MANBA: variants seen among roughly 807,000 people sequenced by gnomAD.
The protein encoded by MANBA is mannosidase beta.
In MANBA, 83 loss-of-function variants were observed where a neutral mutation model predicts 111.1. The observed-to-expected ratio is 0.75, with a 90% CI of 0.63 to 0.90. The LOEUF (loss-of-function observed/expected upper bound fraction) is 0.90, where lower values mean the gene tolerates loss of function less well. Ranked by LOEUF, MANBA falls within the 40% of genes least tolerant of loss-of-function variation. The pLI, the probability that MANBA is intolerant of heterozygous loss-of-function variation, is 0.00. For synonymous variants in MANBA, 370 were observed against 378.7 expected (o/e 0.98, Z 0.27); for missense variants, 1,036 against 1,069.0 (o/e 0.97, Z 0.43).
At chr4:102,676,907 T>C (rs1464447483) in intron 7 of MANBA, among the ~76,000 whole-genome samples, 1 of 140,322 alleles carries the variant, frequency 7.1e-6, no homozygotes, top group Non-Finnish European at 1.6e-5. Context: ...CCTTCATGCA[T>C]TAGCAGCAGG....
intron 11 of MANBA, chr4:102,658,797 A>G (rs761228434): frequency 6.6e-6 from 1 of 152,258 alleles, no homozygotes; most frequent in Non-Finnish European, 1.5e-5. Context: ...CAGCCCTTTC[A>G]TAGTGTCAGT....
rs71934469 is a variant in MANBA at position 102,631,106 on chromosome 4, T to TTGTGTGTGTGTG, written c.*939_*950dup. The TTGTGTGTGTGTG allele has an allele frequency of 5.5e-5, 4 of 73,132 alleles. No homozygotes were observed. The highest frequency in any genetic ancestry group is 3.9e-4 in the South Asian group (1 of 2,574). 4.5% of individuals were successfully genotyped at this position (73,132 alleles called of 1,614,324 possible). ...GTCCCCTTATCCCCTTGATAAGGCT[T>TTGTGTGTGTGTG]TGTGTGTGTGTGTGTGTGTGTGTGT... On this transcript the variant is annotated 3_prime_UTR_variant, in exon 17 of 17. Transcript: ENST00000647097.
chr4:102,734,996 C>T (rs1723159063), intron 1 of MANBA, among the ~76,000 whole-genome samples: 1 of 152,184 alleles, frequency 6.6e-6, no homozygotes, highest in African/African-American at 2.4e-5. Context: ...TGCTGACAAG[C>T]CCACCCTCTC....
At chr4:102,717,424 C>CTTTT (rs1239871326) in intron 4 of MANBA, among the ~76,000 whole-genome samples, 2 of 134,468 alleles carry the variant, frequency 1.5e-5, no homozygotes, top group Admixed American at 7.4e-5. Flanking sequence ...CAGGCAGGAA[C>CTTTT]TTTTTTTTTT....
At chr4:102,722,582 T>TA (rs1011329640) in intron 4 of MANBA, 2 of 380,906 alleles carry the variant, frequency 5.3e-6, no homozygotes, top group Admixed American at 7.8e-5. Context: ...ACTTAAATGT[T>TA]AAAAAAATAA....
chr4:102,741,027 G>A (rs1049235539), intron 1 of MANBA, among the ~76,000 whole-genome samples: 3 of 152,140 alleles, frequency 2.0e-5, no homozygotes, highest in African/African-American at 7.2e-5. Flanking sequence ...CAGAGTGGGA[G>A]AAAATCTTCA....
In MANBA at chr4:102,635,985, C is replaced by G. The variant is rs773738624; in HGVS notation, c.2037G>C (p.Met679Ile). 12 of 1,613,864 alleles carry G rather than the reference C, an allele frequency of 7.4e-6. No homozygotes were observed. In the East Asian group the frequency reaches 1.8e-4, roughly 24 times the overall value. The change falls in exon 15 of 17, where the codon ATG (methionine) becomes ATC (isoleucine). Residue 679 changes from methionine (M) to isoleucine (I), a missense_variant. Physicochemically the swap from Met to Ile is conservative, Grantham distance 10 (BLOSUM62 1). Transcript: ENST00000647097. The stretch of plus-strand genomic sequence containing the variant: ...AGAAATTCTGAGCAAAGTAATGAAG[C>G]ATTTTCCACTTTCCTCCGTACTCTG... ...ASLEYGGKWK[M>I]LHYFAQNFFA...
Position 102,730,826 on chromosome 4 carries a change from A to G in MANBA, c.178-4143T>C, listed in dbSNP as rs1229391892. 7 of 407,466 alleles carry G rather than the reference A, an allele frequency of 1.7e-5. No individual in the cohort carries two copies. The East Asian group carries it at 4.1e-4, about 24-fold the overall frequency. The allele number at this position is 407,466 out of a possible 1,614,324, so 25.2% of individuals were successfully genotyped here. On this transcript the variant is annotated intron_variant, in intron 1 of 16. Coordinates refer to ENST00000647097, the MANE Select transcript of MANBA (RefSeq NM_005908.4). ...TTATACTTTGTCCTCAAACTCAACT[A>G]TCTTGTTCTTCCTTGCGCCTAGTTA...
chr4:102,659,280 C>T (rs938187429), intron 11 of MANBA, among the ~76,000 whole-genome samples: 1 of 152,150 alleles, frequency 6.6e-6, no homozygotes. Flanking sequence ...GAAGGAAAAG[C>T]GCAAGGCTCT....
chr4:102,685,150 C>T (rs1012547821), intron 7 of MANBA, among the ~76,000 whole-genome samples: 38 of 151,984 alleles, frequency 2.5e-4, no homozygotes, highest in African/African-American at 7.0e-4. Flanking sequence ...TGGGGAGGCT[C>T]GCAGAAGGGA....
Position 102,714,480 on chromosome 4 carries a change from T to C in MANBA, c.631A>G (p.Asn211Asp). 1 of 1,605,432 alleles carries C rather than the reference T, an allele frequency of 6.2e-7. No individual in the cohort carries two copies. The highest frequency in any genetic ancestry group is 1.1e-5 in the South Asian group (1 of 90,876). ...GTGAAGTAGTTCAGGTGACAAATAT[T>C]ATAGGCTTCAATTCTAACATCTTTC... ...IWKDVRIEAY[N>D]ICHLNYFTFS... is the part of the protein sequence containing the mutation. The change falls in exon 5 of 17, where the codon AAT becomes GAT. Residue 211 changes from asparagine to aspartate, a missense_variant. Coordinates refer to ENST00000647097, the MANE Select transcript of MANBA (RefSeq NM_005908.4).
intron 1 of MANBA, among the ~76,000 whole-genome samples, chr4:102,750,091 ATTTCTGTTTAAATT>A (rs1301894225): frequency 2.0e-5 from 3 of 152,266 alleles, no homozygotes; most frequent in Middle Eastern, 6.8e-3. Flanking sequence ...ATTGATGACT[ATTTCTGTTTAAATT>A]AAATTTCAAA....
chr4:102,746,096 T>C (rs1032476587), intron 1 of MANBA, among the ~76,000 whole-genome samples: 2 of 152,202 alleles, frequency 1.3e-5, no homozygotes, highest in African/African-American at 4.8e-5. Context: ...TGGCAGCATG[T>C]GTTGGGGAGG....
At chr4:102,649,672 T>C (rs1397448206) in intron 13 of MANBA, among the ~76,000 whole-genome samples, 3 of 152,160 alleles carry the variant, frequency 2.0e-5, no homozygotes, top group African/African-American at 4.8e-5. Context: ...AAACTATTGG[T>C]CCCCAATTTG....
Position 102,672,728 on chromosome 4 carries a change from T to C in MANBA, c.1112+1191A>G, listed in dbSNP as rs779239379. Among the ~76,000 whole-genome samples the C allele has an allele frequency of 1.1e-4, 17 of 152,286 alleles. No homozygotes were observed. The Middle Eastern group carries it at 0.01, about 91-fold the overall frequency. ...GATCAGCGGCAGCATTAGATTCTCA[T>C]AGGAGCAGGAACACTATTGTGAACT... is the stretch of plus-strand genomic sequence containing the variant. On this transcript the variant is annotated intron_variant, in intron 8 of 16. Coordinates refer to ENST00000647097, the MANE Select transcript of MANBA (RefSeq NM_005908.4).
intron 4 of MANBA, among the ~76,000 whole-genome samples, chr4:102,714,884 AGTT>A (rs970909770): frequency 3.3e-5 from 5 of 152,166 alleles, no homozygotes; most frequent in African/African-American, 9.7e-5. Context: ...AAAGGACACT[AGTT>A]GTATTGGAAT....
intron 1 of MANBA, among the ~76,000 whole-genome samples, chr4:102,755,521 G>A: frequency 6.6e-6 from 1 of 152,126 alleles, no homozygotes; most frequent in East Asian, 1.9e-4. Context: ...AAAAACCCTA[G>A]AAGAAAACCT....
At chr4:102,689,712 A>G (rs746858141) in intron 6 of MANBA, 28 bp from the exon 7 acceptor site, 4 of 1,328,216 alleles carry the variant, frequency 3.0e-6, no homozygotes, top group South Asian at 1.2e-5. Context: ...AAGTCACTCT[A>G]ATATGTCATA....
intron 1 of MANBA, among the ~76,000 whole-genome samples, chr4:102,756,763 C>T (rs911239791): frequency 3.9e-5 from 5 of 126,654 alleles, no homozygotes; most frequent in African/African-American, 1.5e-4. Flanking sequence ...TCTTACTTAT[C>T]TATATATTTT....
Sources: allele counts gnomAD v4.1 joint callset (sites outside exome capture counted in the v4.1 genomes callset), GRCh38; gene constraint gnomAD v4.1.1; transcripts MANE v1.5; gene names NCBI Gene and HGNC (gene_info 2026-07-23, HGNC 2026-07-21).